Variants in CSPG4 observed in about 807,000 individuals in gnomAD.
CSPG4 encodes chondroitin sulfate proteoglycan 4, also known as chondroitin sulfate proteoglycan 4 (melanoma-associated).
Under a neutral mutation model 139.3 loss-of-function variants are expected in CSPG4, and 74 were observed. That is an observed-to-expected ratio of 0.53 (90% CI 0.44 to 0.64). The LOEUF is 0.64. Ranked by LOEUF, CSPG4 falls within the 30% of genes least tolerant of loss-of-function variation. CSPG4 has a pLI of 0.00. For missense variants in CSPG4, 2,565 were observed against 3,148.3 expected (o/e 0.81, Z 4.43); for synonymous variants, 1,234 against 1,394.2 (o/e 0.89, Z 2.56).
chr15:75,705,227 C>T (rs1003517015), intron 1 of CSPG4, among the ~76,000 whole-genome samples: 7 of 152,334 alleles, frequency 4.6e-5, no homozygotes, highest in African/African-American at 1.4e-4. Flanking sequence ...ACCCCCACCC[C>T]CTCCCACCTT....
chr15:75,712,519 C>A (rs1345594709), intron 1 of CSPG4, 149 bp downstream of exon 1: 2 of 734,142 alleles, frequency 2.7e-6, no homozygotes, highest in Admixed American at 4.8e-5. Flanking sequence ...GGATTGAACC[C>A]CTGGCGACCC....
Position 75,689,702 on chromosome 15 carries a change from T to C in CSPG4, c.1363A>G (p.Thr455Ala). Residue 455 changes from threonine (T) to alanine (A), a missense_variant, in exon 3 of 10, where the codon ACG (threonine) becomes GCG (alanine). Thr to Ala is a moderately conservative substitution (Grantham distance 58, BLOSUM62 0). Coordinates refer to ENST00000308508, the MANE Select transcript of CSPG4 (RefSeq NM_001897.5). ...AGCTCAGCCTCCATCAGGTCCAGCG[T>C]GGGCTGCACATGCCTCCACTCAAGC... The part of the protein sequence containing the change: ...AWLEWRHVQP[T>A]LDLMEAELRK... 6.2e-7 allele frequency: 1 copy of C among 1,612,894 alleles called. No homozygotes were observed. Among genetic ancestry groups the C allele is most frequent in the African/African-American group, 1.3e-5 (1 of 75,076 alleles).
rs1426607117 is a variant in CSPG4, at chr15:75,698,241, G to A, written c.89-5008C>T. Among the ~76,000 whole-genome samples the A allele has an allele frequency of 6.6e-6, 1 of 152,006 alleles. No homozygotes were observed. Among genetic ancestry groups the A allele is most frequent in the Non-Finnish European group, 1.5e-5 (1 of 67,984 alleles). On this transcript the variant is annotated intron_variant, in intron 1 of 9. Coordinates refer to ENST00000308508, the MANE Select transcript of CSPG4 (RefSeq NM_001897.5). This position sits in a 1 kb window ranked among gnomAD's most constrained non-coding sequence, Gnocchi z 4.3. ...AGGCAGGGGTGAGGGAGTCTGAGGG[G>A]GCTGTGGGATGGGGTATTCTGGGAG...
chr15:75,678,017 G>A (rs933909003), intron 8 of CSPG4, 131 bp from the exon 9 acceptor site: 3 of 765,206 alleles, frequency 3.9e-6, no homozygotes, highest in African/African-American at 1.8e-5. Context: ...GTGACCCGCT[G>A]TCTCCCTCAC....
chr15:75,694,631 A>C (rs2141433457), intron 1 of CSPG4, among the ~76,000 whole-genome samples: 1 of 152,344 alleles, frequency 6.6e-6, no homozygotes, highest in African/African-American at 2.4e-5. Context: ...AGCCAGCCCC[A>C]CTGGGAGGGA....
At position 75,690,660 on chromosome 15, in the gene CSPG4, G is replaced by A. The variant is rs202042448; in HGVS notation, c.405C>T (p.Val135=). ...VDGFLNASSA[V]PGAPLEVPYG... is the part of the protein sequence containing the mutation. The stretch of plus-strand genomic sequence containing the variant: ...AGGGGACCTCTAGGGGGGCTCCTGG[G>A]ACTGCTGAGGAGGCGTTCAGAAACC... The change falls in exon 3 of 10, where the codon GTC becomes GTT. Residue 135 remains valine, a synonymous_variant. Transcript: ENST00000308508. 4 of 1,612,398 alleles carry A rather than the reference G, an allele frequency of 2.5e-6. No individual in the cohort carries two copies. The East Asian group carries it at 8.9e-5, about 36-fold the overall frequency.
rs778467740 is a variant in CSPG4 at position 75,690,666 on chromosome 15, T to A, written c.399A>T (p.Ser133=). ...LSVDGFLNAS[S]AVPGAPLEVP... ...CCTCTAGGGGGGCTCCTGGGACTGC[T>A]GAGGAGGCGTTCAGAAACCCATCGA... Residue 133 remains serine (S), a synonymous_variant, in exon 3 of 10, where the codon TCA becomes TCT. Transcript: ENST00000308508. 1.9e-6 allele frequency: 3 copies of A among 1,612,330 alleles called. No homozygotes were observed. The highest frequency in any genetic ancestry group is 2.2e-5 in the East Asian group (1 of 44,890).
Position 75,674,434 on chromosome 15 carries a change from C to T in CSPG4, c.*1116G>A, listed in dbSNP as rs1414604510. On this transcript the variant is annotated 3_prime_UTR_variant, in exon 10 of 10. Coordinates refer to ENST00000308508, the MANE Select transcript of CSPG4 (RefSeq NM_001897.5). Reference sequence around the variant, plus strand: ...GTCCCATCACCCGAAGACTGGCCCACCTGCCCACACAGGTGGGGGCACAGG... The same window carrying T: ...GTCCCATCACCCGAAGACTGGCCCATCTGCCCACACAGGTGGGGGCACAGG... 3.0e-6 allele frequency: 1 copy of T among 338,402 alleles called. No homozygotes were observed. The highest frequency in any genetic ancestry group is 2.1e-5 in the African/African-American group (1 of 47,508). 21.0% of individuals were successfully genotyped at this position (338,402 alleles called of 1,614,324 possible).
chr15:75,693,833 C>T (rs949172593), intron 1 of CSPG4, among the ~76,000 whole-genome samples: 1 of 152,244 alleles, frequency 6.6e-6, no homozygotes, highest in Non-Finnish European at 1.5e-5. Flanking sequence ...CACCTATCCC[C>T]GCTTCTCTCT....
chr15:75,704,790 G>A (rs921814236), intron 1 of CSPG4, among the ~76,000 whole-genome samples: 6 of 152,302 alleles, frequency 3.9e-5, no homozygotes, highest in African/African-American at 1.4e-4. Flanking sequence ...GAGCGGAGAG[G>A]GCTGTCCCCT....
chr15:75,712,977 C>A, upstream of CSPG4: 1 of 516,532 alleles, frequency 1.9e-6, no homozygotes, highest in East Asian at 3.6e-5. Context: ...AGGGCCCGTG[C>A]GGGGCTGTTC....
Position 75,691,079 on chromosome 15 carries a change from CAGG to C in CSPG4, c.253-270_253-268del, listed in dbSNP as rs529788402. On this transcript the variant is annotated intron_variant, in intron 2 of 9. Transcript: ENST00000308508. ...ATCCCAGCTACTTTGGAGGCTGTGG[CAGG>C]AGAATTGCTTGAACTCGGGAGGTGG... Among the ~76,000 whole-genome samples the C allele has an allele frequency of 7.9e-5, 12 of 152,284 alleles. No individual in the cohort carries two copies. The South Asian group carries it at 2.5e-3, about 32-fold the overall frequency.
Position 75,676,582 on chromosome 15 carries a change from G to A in CSPG4, c.5937C>T (p.Tyr1979=), listed in dbSNP as rs1267533066. The part of the protein sequence containing the change: ...VSDREEPEAA[Y]RLIQGPQYGH... ...CATACTGGGGTCCCTGGATGAGGCG[G>A]TATGCTGCCTCTGGCTCCTCCCGAT... Residue 1979 remains tyrosine, a synonymous_variant, in exon 10 of 10, where the codon TAC becomes TAT. Transcript: ENST00000308508. 1.2e-6 allele frequency: 2 copies of A among 1,612,984 alleles called. No individual in the cohort carries two copies. Among genetic ancestry groups the A allele is most frequent in the Non-Finnish European group, 1.7e-6 (2 of 1,179,888 alleles).
intron 1 of CSPG4, among the ~76,000 whole-genome samples, chr15:75,695,112 G>A (rs1194807814): frequency 5.9e-5 from 9 of 152,120 alleles, no homozygotes; most frequent in Non-Finnish European, 1.0e-4. Context: ...GCAAATCAGG[G>A]TTCCCCCTCC....
Position 75,694,496 on chromosome 15 carries a change from C to T in CSPG4, c.89-1263G>A, listed in dbSNP as rs1894202597. ...CCGAGAGCGAGCACAGGCTGACGGC[C>T]TTGATAGGGATAATCCGGCACCAGC... On this transcript the variant is annotated intron_variant, in intron 1 of 9. Coordinates refer to ENST00000308508, the MANE Select transcript of CSPG4 (RefSeq NM_001897.5). 2.0e-5 allele frequency among the ~76,000 whole-genome samples: 3 copies of T among 152,356 alleles called. No homozygotes were observed. In the South Asian group the frequency reaches 6.2e-4, roughly 32 times the overall value.
At chr15:75,691,709 A>G (rs1251105829) in intron 2 of CSPG4, among the ~76,000 whole-genome samples, 4 of 152,194 alleles carry the variant, frequency 2.6e-5, no homozygotes, top group Non-Finnish European at 5.9e-5. Context: ...TTCTGTCTCC[A>G]TGACATTGAC....
At chr15:75,710,733 G>A (rs1894438145) in intron 1 of CSPG4, among the ~76,000 whole-genome samples, 1 of 152,232 alleles carries the variant, frequency 6.6e-6, no homozygotes, top group Non-Finnish European at 1.5e-5. Flanking sequence ...TGGGAGGGAC[G>A]CCTTCCTCAG....
At chr15:75,695,891 C>T (rs1297225053) in intron 1 of CSPG4, among the ~76,000 whole-genome samples, 7 of 152,014 alleles carry the variant, frequency 4.6e-5, no homozygotes, top group Admixed American at 2.6e-4. Context: ...CTCCATCACC[C>T]GCTAAAGCCT....
intron 4 of CSPG4, 145 bp downstream of exon 4, chr15:75,685,074 T>C (rs1442506818): frequency 2.4e-6 from 3 of 1,249,872 alleles, no homozygotes; most frequent in Non-Finnish European, 3.4e-6. Flanking sequence ...AGAAAAGATA[T>C]ATGGTATTTA....
Sources: gnomAD v4.1 joint callset for allele counts (sites outside exome capture counted in the v4.1 genomes callset) on GRCh38, gnomAD v4.1.1 for gene constraint, Gnocchi (gnomAD v3.1) non-coding constraint, MANE v1.5 for transcripts, NCBI Gene and HGNC (gene_info 2026-07-23, HGNC 2026-07-21) for gene names.